DMD: variants seen among roughly 807,000 people sequenced by gnomAD.
DMD encodes dystrophin.
A neutral mutation model predicts 330.1 loss-of-function variants in DMD; 63 were observed. The ratio of observed to expected loss-of-function variants is 0.19; its 90% CI spans 0.16 to 0.24. The LOEUF (loss-of-function observed/expected upper bound fraction) is 0.24, where lower values mean the gene tolerates loss of function less well. DMD is among the 10% of genes least tolerant of loss of function. The pLI is 1.00. For synonymous variants in DMD, 1,223 were observed against 959.8 expected (o/e 1.27, Z -5.07); for missense variants, 3,344 against 2,684.1 (o/e 1.25, Z -5.43).
At chrX:32,833,629 C>A (rs17338870) in intron 4 of DMD, among the ~76,000 whole-genome samples, 1 of 100,859 alleles carries the variant, frequency 9.9e-6, no homozygotes, top group Non-Finnish European at 2.0e-5. Context: ...GTAACTTTAA[C>A]GACAAAAATC....
At chrX:32,052,257 G>T (rs1397892998) in intron 44 of DMD, among the ~76,000 whole-genome samples, 3 of 100,760 alleles carry the variant, frequency 3.0e-5, no homozygotes, top group Admixed American at 2.1e-4. Flanking sequence ...TTAAACCAAG[G>T]TCCATAATTT....
intron 53 of DMD, among the ~76,000 whole-genome samples, chrX:31,678,645 G>T (rs895511001): frequency 4.5e-5 from 5 of 111,166 alleles, no homozygotes; most frequent in Non-Finnish European, 9.4e-5. Flanking sequence ...GAGAATGGGG[G>T]GAGAAAGTGA....
chrX:32,834,911 G>C (rs142075259), intron 4 of DMD, among the ~76,000 whole-genome samples: 15 of 111,412 alleles, frequency 1.3e-4, no homozygotes, highest in African/African-American at 4.9e-4. Context: ...GAAATCATAA[G>C]AGGGAAGACG....
Position 31,154,267 on chromosome X carries a change from T to A in DMD, c.10554-6749A>T, listed in dbSNP as rs1371660544. ...TTCCCTCAGAGTTACTGTTCCAAGG[T>A]AAGTTATTCTAATGTTTTTTTTTTA... On this transcript the variant is annotated intron_variant, in intron 74 of 78. Transcript: ENST00000357033. Among the ~76,000 whole-genome samples the A allele has an allele frequency of 2.7e-5, 3 of 110,175 alleles. No homozygotes were observed. In the East Asian group the frequency reaches 8.6e-4, roughly 31 times the overall value.
At chrX:32,309,372 A>C (rs1157442402) in intron 42 of DMD, among the ~76,000 whole-genome samples, 2 of 111,126 alleles carry the variant, frequency 1.8e-5, no homozygotes, top group Non-Finnish European at 3.8e-5. Context: ...TTTCATTTTG[A>C]GTGTAAAATG....
At chrX:32,780,312 T>TA (rs1016260961) in intron 7 of DMD, among the ~76,000 whole-genome samples, 1 of 112,325 alleles carries the variant, frequency 8.9e-6, no homozygotes, top group African/African-American at 3.2e-5. Flanking sequence ...CAGAACTATT[T>TA]AGTTCATTTT....
At chrX:32,776,690 G>A (rs769977921) in intron 7 of DMD, among the ~76,000 whole-genome samples, 21 of 111,661 alleles carry the variant, frequency 1.9e-4, no homozygotes, top group Non-Finnish European at 3.0e-4. Flanking sequence ...CCCTCTACAC[G>A]TGGGGATTAC....
At chrX:33,168,858 A>G (rs771485385) in intron 1 of DMD, among the ~76,000 whole-genome samples, 3 of 110,705 alleles carry the variant, frequency 2.7e-5, no homozygotes, top group African/African-American at 6.5e-5. Context: ...TAGTTATAGG[A>G]TTGAGAATTT....
intron 7 of DMD, among the ~76,000 whole-genome samples, chrX:32,729,371 T>C (rs1444937469): frequency 8.9e-6 from 1 of 112,132 alleles, no homozygotes; most frequent in Admixed American, 9.5e-5. Context: ...CAATATTTAG[T>C]CTTGAGGCAC....
intron 1 of DMD, among the ~76,000 whole-genome samples, chrX:33,222,349 T>C (rs2052198315): frequency 8.9e-6 from 1 of 112,235 alleles, no homozygotes; most frequent in African/African-American, 3.2e-5. Flanking sequence ...ATATATCTAA[T>C]CTTGAAACAA....
chrX:31,227,010 G>C (rs1268643925), intron 63 of DMD, among the ~76,000 whole-genome samples: 1 of 111,590 alleles, frequency 9.0e-6, no homozygotes, highest in Non-Finnish European at 1.9e-5. Context: ...ACATCTTGTA[G>C]AAGATATTGG....
intron 54 of DMD, among the ~76,000 whole-genome samples, chrX:31,645,968 C>A (rs2080070875): frequency 9.0e-6 from 1 of 111,361 alleles, no homozygotes; most frequent in African/African-American, 3.3e-5. Flanking sequence ...CTAGTTCTGC[C>A]AAAACCCCAT....
At chrX:31,291,341 G>T (rs1313188460) in intron 62 of DMD, among the ~76,000 whole-genome samples, 1 of 110,878 alleles carries the variant, frequency 9.0e-6, no homozygotes, top group African/African-American at 3.3e-5. Flanking sequence ...GGAATGATTT[G>T]TCCATGCTGG....
intron 12 of DMD, among the ~76,000 whole-genome samples, chrX:32,606,127 A>T (rs2056677133): frequency 1.8e-5 from 2 of 109,932 alleles, no homozygotes; most frequent in African/African-American, 6.6e-5. Context: ...ATGTCTTTTC[A>T]TTCTTTCTAA....
At chrX:32,318,362 T>C (rs1302099638) in intron 41 of DMD, among the ~76,000 whole-genome samples, 3 of 111,593 alleles carry the variant, frequency 2.7e-5, no homozygotes, top group Non-Finnish European at 5.7e-5. Context: ...CAAAACAACA[T>C]GATGCAGGTG....
chrX:32,273,361 G>T (rs1378160804), intron 43 of DMD, among the ~76,000 whole-genome samples: 1 of 110,875 alleles, frequency 9.0e-6, no homozygotes, highest in Admixed American at 9.7e-5. Flanking sequence ...GAAGGCTGAG[G>T]TGGGAGGATT....
At chrX:31,760,809 G>A (rs1398216383) in intron 51 of DMD, among the ~76,000 whole-genome samples, 2 of 111,033 alleles carry the variant, frequency 1.8e-5, no homozygotes, top group Non-Finnish European at 3.8e-5. Context: ...ATTTTTGCAT[G>A]TACGATAATA....
At chrX:32,670,249 A>C (rs2061551708) in intron 9 of DMD, among the ~76,000 whole-genome samples, 1 of 112,123 alleles carries the variant, frequency 8.9e-6, no homozygotes, top group Non-Finnish European at 1.9e-5. Flanking sequence ...GTCAAGTAAC[A>C]CCCAGTAATT....
chrX:33,174,908 C>T (rs2049565902), intron 1 of DMD, among the ~76,000 whole-genome samples: 1 of 111,734 alleles, frequency 8.9e-6, no homozygotes, highest in Admixed American at 9.5e-5. Context: ...TAATCATATC[C>T]CTAAGGGAGC....
Sources: allele counts gnomAD v4.1 joint callset (sites outside exome capture counted in the v4.1 genomes callset), GRCh38; gene constraint gnomAD v4.1.1; transcripts MANE v1.5; gene names NCBI Gene and HGNC (gene_info 2026-07-23, HGNC 2026-07-21).